Variants in HOMER2 observed in about 807,000 individuals in gnomAD.
The protein encoded by HOMER2 is homer protein homolog 2.
In HOMER2, 27 loss-of-function variants were observed where a neutral mutation model predicts 47.0. The ratio of observed to expected loss-of-function variants is 0.57; its 90% CI spans 0.42 to 0.79. The LOEUF (loss-of-function observed/expected upper bound fraction) is 0.79, where lower values mean the gene tolerates loss of function less well. Among genes scored for constraint, HOMER2 ranks in the 30% least tolerant of loss-of-function variants. HOMER2 has a pLI of 0.00. For synonymous variants in HOMER2, 161 were observed against 163.8 expected (o/e 0.98, Z 0.13); for missense variants, 443 against 435.0 (o/e 1.02, Z -0.16).
exon 2 of HOMER2, chr15:82,837,334 G>A (rs994718303): frequency 1.3e-5 from 2 of 152,234 alleles, no homozygotes; most frequent in Non-Finnish European, 2.9e-5. Context: ...ATTAGGATGT[G>A]GACATCTTTG....
At chr15:82,979,854 A>G (rs1182397999) in intron 1 of HOMER2, among the ~76,000 whole-genome samples, 1 of 152,186 alleles carries the variant, frequency 6.6e-6, no homozygotes, top group Admixed American at 6.5e-5. Flanking sequence ...TTGGACATCC[A>G]GATGGAAATT....
chr15:82,897,966 A>G (rs1288484220), intron 1 of HOMER2, among the ~76,000 whole-genome samples: 1 of 152,260 alleles, frequency 6.6e-6, no homozygotes, highest in Non-Finnish European at 1.5e-5. Flanking sequence ...TGTATGTGAC[A>G]GTTTATTACG....
chr15:82,848,899 C>G (rs2051296574), downstream of HOMER2: 1 of 152,264 alleles, frequency 6.6e-6, no homozygotes, highest in African/African-American at 2.4e-5. Context: ...GTTAACTACC[C>G]AGCACAGCAA....
At chr15:82,956,193 T>C (rs1215065761), upstream of HOMER2, among the ~76,000 whole-genome samples, 1 of 149,902 alleles carries the variant, frequency 6.7e-6, no homozygotes, top group Non-Finnish European at 1.5e-5. Context: ...TGAGCTGAGA[T>C]TGCATCACTG....
intron 1 of HOMER2, among the ~76,000 whole-genome samples, chr15:82,962,097 G>A (rs1179695243): frequency 6.6e-6 from 1 of 151,932 alleles, no homozygotes; most frequent in East Asian, 2.0e-4. Flanking sequence ...CAGGCCGGGT[G>A]CGGTGACTCA....
chr15:82,854,795 G>T lies in HOMER2; in HGVS notation c.500C>A (p.Ala167Asp). 1 of 1,608,532 alleles carries T rather than the reference G, an allele frequency of 6.2e-7. No homozygotes were observed. ...CTCGATCTCCCACTTCTTCACGTTG[G>T]CTGCGCTGCAGGACAGGGACGGGCG... ...KLKIALTQSA[A>D]NVKKWEIELQ... The change falls in exon 6 of 9, where the codon GCC (alanine) becomes GAC (aspartate). Residue 167 changes from alanine (A) to aspartate (D), a missense_variant. By Grantham distance (126) the Ala-to-Asp change is moderately radical. Coordinates refer to ENST00000450735, the MANE Select transcript of HOMER2 (RefSeq NM_004839.4).
intron 1 of HOMER2, among the ~76,000 whole-genome samples, chr15:82,905,213 CT>C (rs1303507217): frequency 6.6e-6 from 1 of 151,100 alleles, no homozygotes; most frequent in Non-Finnish European, 1.5e-5. Flanking sequence ...CCTTAAACTG[CT>C]TTCGGAAGGC....
chr15:82,959,064 C>T (rs1240994290), exon 2 of HOMER2: 2 of 152,484 alleles, frequency 1.3e-5, no homozygotes, highest in Non-Finnish European at 2.9e-5. Context: ...GCTCCATCCT[C>T]AGGTAAGCTC....
chr15:82,945,694 G>C (rs779406504), intron 1 of HOMER2, among the ~76,000 whole-genome samples: 1 of 152,078 alleles, frequency 6.6e-6, no homozygotes, highest in Non-Finnish European at 1.5e-5. Context: ...TAGATGGCCG[G>C]GCGCGGTGGC....
chr15:82,835,167 A>G (rs1414673653), downstream of HOMER2: 7 of 151,700 alleles, frequency 4.6e-5, no homozygotes, highest in Admixed American at 4.6e-4. Context: ...TGCTCTGTCA[A>G]CCAGGCTGGA....
At chr15:82,930,995 T>G (rs907744503) in intron 1 of HOMER2, among the ~76,000 whole-genome samples, 1 of 152,032 alleles carries the variant, frequency 6.6e-6, no homozygotes, top group Non-Finnish European at 1.5e-5. Flanking sequence ...TCCTGCCCTG[T>G]GCACACCCCG....
chr15:82,962,948 A>AG (rs971084989), intron 1 of HOMER2, among the ~76,000 whole-genome samples: 22 of 152,316 alleles, frequency 1.4e-4, no homozygotes, highest in African/African-American at 5.3e-4. Flanking sequence ...CCTTGCCCAG[A>AG]GGGGCTAAAA....
Position 82,864,357 on chromosome 15 carries a change from T to C in HOMER2, c.295-98A>G, listed in dbSNP as rs372904419. 2.3e-4 allele frequency: 164 copies of C among 712,818 alleles called. No homozygotes were observed. The African/African-American group carries it at 2.7e-3, about 12-fold the overall frequency. The allele number at this position is 712,818 out of a possible 1,614,324, so 44.2% of individuals were successfully genotyped here. A position where few individuals can be genotyped will look rare whatever the true frequency, so the allele number is the denominator to read the frequency against. ...TTATTTTGCATCCATTTTAGGCCCA[T>C]ACATTCTGTATAAATCCAGAAGAAT... is the stretch of plus-strand genomic sequence containing the variant. On this transcript the variant is annotated intron_variant, in intron 3 of 8. Transcript: ENST00000450735.
intron 8 of HOMER2, 92 bp from the exon 9 acceptor site, chr15:82,849,995 C>T: frequency 1.5e-6 from 2 of 1,331,380 alleles, no homozygotes; most frequent in Non-Finnish European, 2.1e-6. Flanking sequence ...ATTCTCCATC[C>T]AATCTGAGGG....
downstream of HOMER2, among the ~76,000 whole-genome samples, chr15:82,836,771 G>A (rs2051131840): frequency 6.6e-6 from 1 of 152,252 alleles, no homozygotes. Context: ...GAATCAGGCA[G>A]GTGGTAACGG....
exon 2 of HOMER2, chr15:82,841,248 T>C (rs1056726157): frequency 2.0e-5 from 3 of 152,170 alleles, no homozygotes; most frequent in Admixed American, 2.0e-4. Context: ...AAGAATAGTA[T>C]ACTATGACTA....
chr15:82,970,396 C>T (rs2029944621), intron 1 of HOMER2, among the ~76,000 whole-genome samples: 1 of 152,200 alleles, frequency 6.6e-6, no homozygotes, highest in African/African-American at 2.4e-5. Flanking sequence ...TCCTTCCAAA[C>T]AATGTAATCT....
downstream of HOMER2, chr15:82,835,656 C>G (rs2051118701): frequency 6.6e-6 from 1 of 152,566 alleles, no homozygotes; most frequent in South Asian, 2.1e-4. Flanking sequence ...TGTGCTGGCC[C>G]AGGCCTGATG....
rs1596310072 is a variant in HOMER2 at position 82,864,358 on chromosome 15, A to G, written c.295-99T>C. 9.8e-6 allele frequency: 7 copies of G among 713,492 alleles called. No individual in the cohort carries two copies. In the East Asian group the frequency reaches 1.3e-4, roughly 13 times the overall value. The allele number at this position is 713,492 out of a possible 1,614,324, so 44.2% of individuals were successfully genotyped here. Reference sequence around the variant, plus strand: ...TATTTTGCATCCATTTTAGGCCCATACATTCTGTATAAATCCAGAAGAATT... The same window carrying G: ...TATTTTGCATCCATTTTAGGCCCATGCATTCTGTATAAATCCAGAAGAATT... On this transcript the variant is annotated intron_variant, in intron 3 of 8. Transcript: ENST00000450735.
Sources: gnomAD v4.1 joint callset for allele counts (sites outside exome capture counted in the v4.1 genomes callset) on GRCh38, gnomAD v4.1.1 for gene constraint, MANE v1.5 for transcripts, NCBI Gene and HGNC (gene_info 2026-07-23, HGNC 2026-07-21) for gene names.